The following ERCC2 variants were observed in gnomAD, a reference collection of about 807,000 sequenced individuals.
ERCC2 encodes general transcription and DNA repair factor IIH helicase subunit XPD.
A neutral mutation model predicts 99.4 loss-of-function variants in ERCC2; 90 were observed. The ratio of observed to expected loss-of-function variants is 0.91; its 90% CI spans 0.76 to 1.08. The LOEUF is 1.08. ERCC2 is among the 50% of genes least tolerant of loss of function. The probability of loss-of-function intolerance (pLI) is 0.00; values close to 1 mark genes in which losing one functional copy is unlikely to be tolerated. For synonymous variants in ERCC2, 497 were observed against 432.4 expected (o/e 1.15, Z -1.85); for missense variants, 993 against 1,038.1 (o/e 0.96, Z 0.60).
chr19:45,357,130 G>GC (rs1448909039), intron 15 of ERCC2, 140 bp downstream of exon 15: 9 of 643,186 alleles, frequency 1.4e-5, no homozygotes, highest in Non-Finnish European at 2.5e-5. Context: ...GCAGAATCAA[G>GC]CCTAAGTCTG....
Position 45,354,726 on chromosome 19 carries a change from G to GTACCTGCTCA in ERCC2, c.1659_1665+3dup. The stretch of plus-strand genomic sequence containing the variant: ...AGGTGCAGGGAGGGGGTGGCCAGGC[G>GTACCTGCTCA]TACCTGCTCATACCAGGAGGCCACG... On this transcript the variant is annotated splice_donor_region_variant and intron_variant, in intron 17 of 22. Coordinates refer to ENST00000391945, the MANE Select transcript of ERCC2 (RefSeq NM_000400.4). The GTACCTGCTCA allele has an allele frequency of 6.2e-7, 1 of 1,613,756 alleles. No homozygotes were observed.
intron 5 of ERCC2, among the ~76,000 whole-genome samples, chr19:45,367,414 T>C (rs1277910350): frequency 2.0e-5 from 3 of 151,724 alleles, no homozygotes; most frequent in African/African-American, 4.8e-5. Flanking sequence ...TAAAAACATA[T>C]ATACACACAC....
intron 15 of ERCC2, among the ~76,000 whole-genome samples, chr19:45,356,651 A>G (rs921805605): frequency 5.3e-5 from 8 of 152,186 alleles, no homozygotes; most frequent in African/African-American, 1.9e-4. Context: ...CTCTACTAAA[A>G]TTACAAAAAT....
rs768633659 is a variant in ERCC2, at chr19:45,364,220, C to A, written c.815+15G>T. ...GGGCAGGGCGGGCACCACCGCCAGA[C>A]GTCCCCGGCCCCACCTGAGCACCGT... On this transcript the variant is annotated intron_variant, in intron 9 of 22. Transcript: ENST00000391945. 6.2e-7 allele frequency: 1 copy of A among 1,612,760 alleles called. No individual in the cohort carries two copies.
At chr19:45,363,619 G>A in intron 11 of ERCC2, 124 bp downstream of exon 11, 5 of 1,138,834 alleles carry the variant, frequency 4.4e-6, no homozygotes, top group Non-Finnish European at 6.1e-6. Context: ...GGTCCCACGT[G>A]CCTCGCCCAG....
intron 4 of ERCC2, 30 bp from the exon 5 acceptor site, chr19:45,368,773 T>C (rs1385713546): frequency 6.3e-7 from 1 of 1,580,156 alleles, no homozygotes; most frequent in Non-Finnish European, 8.7e-7. Context: ...CAGGGGGAGC[T>C]TGTGCTCATT....
At chr19:45,370,052 A>T in intron 2 of ERCC2, 81 bp downstream of exon 2, 1 of 1,341,340 alleles carries the variant, frequency 7.5e-7, no homozygotes, top group Non-Finnish European at 1.1e-6. Flanking sequence ...TCTAAAATCC[A>T]GACGTCCTGC....
intron 19 of ERCC2, 83 bp from the exon 20 acceptor site, chr19:45,352,899 G>C: frequency 7.2e-7 from 1 of 1,388,094 alleles, no homozygotes; most frequent in East Asian, 2.3e-5. Flanking sequence ...CCAGGATGCT[G>C]TGTCTGAGTT....
At position 45,363,834 on chromosome 19, in the gene ERCC2, G is replaced by A. The variant is rs1243536822; in HGVS notation, c.1027C>T (p.Arg343Trp). 5.2e-6 allele frequency: 8 copies of A among 1,546,368 alleles called. No individual in the cohort carries two copies. The highest frequency in any genetic ancestry group is 6.1e-6 in the Non-Finnish European group (7 of 1,152,592). Residue 343 changes from arginine (R) to tryptophan (W), a missense_variant, in exon 11 of 23, where the codon CGG becomes TGG. Around this residue, in one of 3 missense-constraint regions of ERCC2, gnomAD observed 909 missense variants for 930.8 expected, o/e 0.98. Coordinates refer to ENST00000391945, the MANE Select transcript of ERCC2 (RefSeq NM_000400.4). ...LRRLLEYVKWRLRVQHVVQES... is the reference protein window; with the variant it reads ...LRRLLEYVKWWLRVQHVVQES... The stretch of plus-strand genomic sequence containing the variant: ...TGCACCACATGCTGCACACGCAGCC[G>A]CCACTTCACGTACTCCAGCAGCCGC...
chr19:45,364,514 G>C lies in ERCC2; in HGVS notation c.628C>G (p.His210Asp). 6.2e-7 allele frequency: 1 copy of C among 1,613,784 alleles called. No individual in the cohort carries two copies. The highest frequency in any genetic ancestry group is 8.5e-7 in the Non-Finnish European group (1 of 1,180,006). Residue 210 changes from histidine (H) to aspartate (D), a missense_variant, in exon 8 of 23, where the codon CAC becomes GAC. Around this residue, in one of 3 missense-constraint regions of ERCC2, gnomAD observed 909 missense variants for 930.8 expected, o/e 0.98. Transcript: ENST00000391945. ...LHANVVVYSY[H>D]YLLDPKIADL... ...GCAATCTTGGGGTCCAGGAGGTAGT[G>C]GTAGCTATAAACCACCACATTGGCA...
intron 11 of ERCC2, among the ~76,000 whole-genome samples, chr19:45,362,689 T>C (rs1972267542): frequency 6.6e-6 from 1 of 152,242 alleles, no homozygotes; most frequent in Admixed American, 6.5e-5. Flanking sequence ...GTCCCCAGCA[T>C]GAAGCAGGCA....
intron 7 of ERCC2, 134 bp downstream of exon 7, chr19:45,364,704 C>T (rs552878728): frequency 3.0e-5 from 38 of 1,271,978 alleles, no homozygotes; most frequent in South Asian, 6.2e-5. Context: ...CCAACAGATA[C>T]GGGCACCCAC....
At position 45,351,127 on chromosome 19, in the gene ERCC2, G is replaced by A. The variant is rs1056547570; in HGVS notation, c.*502C>T. ...GGTGGAGTCAGCAGGTGGTGGGTTGGTGTCAGAAGAGACCCAGGACAGGAG... is the reference window on the plus strand; with the variant it reads ...GGTGGAGTCAGCAGGTGGTGGGTTGATGTCAGAAGAGACCCAGGACAGGAG... On this transcript the variant is annotated 3_prime_UTR_variant, in exon 23 of 23. Transcript: ENST00000391945. The A allele has an allele frequency of 6.2e-7, 1 of 1,604,134 alleles. No individual in the cohort carries two copies. The highest frequency in any genetic ancestry group is 1.7e-5 in the Admixed American group (1 of 59,082).
chr19:45,367,827 T>C (rs1014742937), intron 5 of ERCC2, among the ~76,000 whole-genome samples: 1 of 152,020 alleles, frequency 6.6e-6, no homozygotes, highest in African/African-American at 2.4e-5. Context: ...ACAATGATTT[T>C]ATAGCATAAT....
chr19:45,363,009 AG>A (rs1972279057), intron 11 of ERCC2, among the ~76,000 whole-genome samples: 1 of 152,188 alleles, frequency 6.6e-6, no homozygotes, highest in South Asian at 2.1e-4. Flanking sequence ...AGGGCAGGGT[AG>A]GTGATTGGCT....
At chr19:45,357,393 G>A in intron 14 of ERCC2, 22 bp from the exon 15 acceptor site, 1 of 1,610,082 alleles carries the variant, frequency 6.2e-7, no homozygotes, top group South Asian at 1.1e-5. Flanking sequence ...CAGTGGGAGG[G>A]ATCTCAGCAG....
Position 45,352,270 on chromosome 19 carries a change from A to G in ERCC2, c.2129T>C (p.Val710Ala). 1 of 1,614,096 alleles carries G rather than the reference A, an allele frequency of 6.2e-7. No homozygotes were observed. Among genetic ancestry groups the G allele is most frequent in the Non-Finnish European group, 8.5e-7 (1 of 1,180,004 alleles). ...CTTGGCCACCTGGACACCCTCGTCC[A>G]CGGTCAGGTTGAGGTTGGCATCTGT... ...HLTDANLNLT[V>A]DEGVQVAKYF... The change falls in exon 22 of 23, where the codon GTG becomes GCG. Residue 710 changes from valine to alanine, a missense_variant. Around this residue, in one of 3 missense-constraint regions of ERCC2, gnomAD observed 909 missense variants for 930.8 expected, o/e 0.98. Coordinates refer to ENST00000391945, the MANE Select transcript of ERCC2 (RefSeq NM_000400.4).
intron 19 of ERCC2, 118 bp from the exon 20 acceptor site, chr19:45,352,934 G>A (rs952012119): frequency 5.2e-5 from 64 of 1,222,546 alleles, no homozygotes; most frequent in East Asian, 2.8e-4. Flanking sequence ...TGTTCCCGCC[G>A]GGTGCCTAGG....
chr19:45,356,883 G>A (rs1471933743), intron 15 of ERCC2, among the ~76,000 whole-genome samples: 5 of 152,200 alleles, frequency 3.3e-5, no homozygotes, highest in Non-Finnish European at 5.9e-5. Flanking sequence ...ACATGCACGT[G>A]TTACAGAGAC....
Sources: allele counts gnomAD v4.1 joint callset (sites outside exome capture counted in the v4.1 genomes callset), GRCh38; gene constraint gnomAD v4.1.1; regional missense constraint gnomAD v4.1.1; transcripts MANE v1.5; gene names NCBI Gene and HGNC (gene_info 2026-07-23, HGNC 2026-07-21).